LRGUK: variants seen among roughly 807,000 people sequenced by gnomAD.
The protein encoded by LRGUK is leucine-rich repeat and guanylate kinase domain-containing protein.
Under a neutral mutation model 76.0 loss-of-function variants are expected in LRGUK, and 65 were observed. That is an observed-to-expected ratio of 0.85 (90% CI 0.70 to 1.05). The LOEUF is 1.05. LRGUK is among the 50% of genes least tolerant of loss of function. The probability of loss-of-function intolerance (pLI) is 0.00; values close to 1 mark genes in which losing one functional copy is unlikely to be tolerated. For missense variants in LRGUK, 758 were observed against 732.8 expected, an observed-to-expected ratio of 1.03 and a Z score of -0.40; for synonymous variants, 268 against 265.6, an observed-to-expected ratio of 1.01 and a Z score of -0.09.
intron 19 of LRGUK, among the ~76,000 whole-genome samples, chr7:134,261,443 C>T (rs1802727063): frequency 6.6e-6 from 1 of 152,040 alleles, no homozygotes; most frequent in South Asian, 2.1e-4. Flanking sequence ...TATTAATCTC[C>T]CATATTCTCT....
chr7:134,180,106 G>C (rs1300738102), intron 10 of LRGUK, among the ~76,000 whole-genome samples: 2 of 152,126 alleles, frequency 1.3e-5, no homozygotes, highest in African/African-American at 4.8e-5. Flanking sequence ...AGACTCATCT[G>C]GTACATGTCC....
At chr7:134,137,856 A>AG (rs35574248) in intron 2 of LRGUK, among the ~76,000 whole-genome samples, 1 of 88,734 alleles carries the variant, frequency 1.1e-5, no homozygotes, top group Non-Finnish European at 3.1e-5. Context: ...TACATATGAG[A>AG]AAAAAAAAAC....
exon 13 of LRGUK, chr7:134,197,074 G>T: frequency 6.2e-7 from 1 of 1,610,286 alleles, no homozygotes; most frequent in Non-Finnish European, 8.5e-7. Context: ...GCAAGAGATG[G>T]TTTGGCAAGC....
intron 7 of LRGUK, among the ~76,000 whole-genome samples, chr7:134,172,810 T>C (rs902673644): frequency 6.6e-6 from 1 of 151,916 alleles, no homozygotes; most frequent in African/African-American, 2.4e-5. Context: ...GGCAAAACCC[T>C]GTCTCCAAAA....
At chr7:134,128,098 C>A (rs1291510672) in intron 1 of LRGUK, among the ~76,000 whole-genome samples, 1 of 130,510 alleles carries the variant, frequency 7.7e-6, no homozygotes, top group East Asian at 2.3e-4. Context: ...GTCCCGTCAG[C>A]CTCCCTCCAG....
the LRGUK span, among the ~76,000 whole-genome samples, chr7:134,271,576 T>A: frequency 1.3e-5 from 2 of 152,004 alleles, no homozygotes; most frequent in Non-Finnish European, 2.9e-5. Flanking sequence ...TTTCCATAAA[T>A]GCTTGGATTT....
At chr7:134,176,070 G>T (rs1434286583) in intron 8 of LRGUK, among the ~76,000 whole-genome samples, 1 of 152,116 alleles carries the variant, frequency 6.6e-6, no homozygotes, top group Non-Finnish European at 1.5e-5. Context: ...AGGCTTGGTA[G>T]CCTTTAGAAA....
At chr7:134,237,277 AC>A (rs1159661481) in intron 16 of LRGUK, among the ~76,000 whole-genome samples, 1 of 149,724 alleles carries the variant, frequency 6.7e-6, no homozygotes, top group Non-Finnish European at 1.5e-5. Flanking sequence ...CTGGTCTCAA[AC>A]TCTTGACCTT....
chr7:134,252,315 G>A (rs2117214445), intron 18 of LRGUK, among the ~76,000 whole-genome samples: 1 of 151,780 alleles, frequency 6.6e-6, no homozygotes. Context: ...TCCAGCCTGA[G>A]TGACAGACCC....
intron 5 of LRGUK, among the ~76,000 whole-genome samples, chr7:134,155,469 A>G (rs1157169696): frequency 6.6e-6 from 1 of 152,224 alleles, no homozygotes; most frequent in Non-Finnish European, 1.5e-5. Context: ...CAGTCTAAGG[A>G]TTGAAACTGA....
intron 11 of LRGUK, among the ~76,000 whole-genome samples, chr7:134,186,876 A>G (rs1403404382): frequency 6.6e-6 from 1 of 152,128 alleles, no homozygotes; most frequent in African/African-American, 2.4e-5. Flanking sequence ...TGCCACTGCT[A>G]TTTTTCTCTT....
chr7:134,153,352 TTGA>T (rs1798312608), intron 5 of LRGUK, among the ~76,000 whole-genome samples: 1 of 152,172 alleles, frequency 6.6e-6, no homozygotes, highest in Non-Finnish European at 1.5e-5. Flanking sequence ...ATGTGGATAA[TTGA>T]TGATTAATTG....
intron 16 of LRGUK, 114 bp downstream of exon 16, chr7:134,222,032 G>A: frequency 2.0e-6 from 2 of 1,024,170 alleles, no homozygotes; most frequent in Non-Finnish European, 2.6e-6. Context: ...TCTCTCACTA[G>A]TGTCAGCTGA....
exon 16 of LRGUK, chr7:134,209,192 G>A: frequency 2.5e-6 from 1 of 399,206 alleles, no homozygotes; most frequent in Admixed American, 4.4e-5. Context: ...CAAGGAGTCA[G>A]GGGAGGCCCA....
At chr7:134,162,726 C>T (rs1798797771) in intron 6 of LRGUK, among the ~76,000 whole-genome samples, 1 of 148,128 alleles carries the variant, frequency 6.8e-6, no homozygotes, top group Non-Finnish European at 1.5e-5. Flanking sequence ...ACTTGGGAGG[C>T]TGAGGCAGGA....
intron 10 of LRGUK, among the ~76,000 whole-genome samples, chr7:134,183,231 T>C (rs969342072): frequency 2.6e-5 from 4 of 152,246 alleles, no homozygotes; most frequent in African/African-American, 9.6e-5. Context: ...AACATCTTCA[T>C]TAGCTTCTTG....
At chr7:134,198,798 A>G (rs1161530905) in intron 13 of LRGUK, among the ~76,000 whole-genome samples, 1 of 152,114 alleles carries the variant, frequency 6.6e-6, no homozygotes, top group Non-Finnish European at 1.5e-5. Context: ...GATGATGACA[A>G]AGGGGTCACA....
chr7:134,203,276 C>G (rs954249324), intron 15 of LRGUK, among the ~76,000 whole-genome samples: 1 of 152,002 alleles, frequency 6.6e-6, no homozygotes, highest in Non-Finnish European at 1.5e-5. Flanking sequence ...TAAAACTTTC[C>G]CTTGATGGAC....
intron 1 of LRGUK, among the ~76,000 whole-genome samples, chr7:134,129,744 G>A (rs1206820750): frequency 6.6e-6 from 1 of 151,862 alleles, no homozygotes; most frequent in Non-Finnish European, 1.5e-5. Context: ...CTAAGTGCTG[G>A]TGTTACAGGC....
Sources: allele counts gnomAD v4.1 joint callset (sites outside exome capture counted in the v4.1 genomes callset), GRCh38; gene constraint gnomAD v4.1.1; transcripts MANE v1.5; gene names NCBI Gene and HGNC (gene_info 2026-07-23, HGNC 2026-07-21).